Variants in KIDINS220 observed in about 807,000 individuals in gnomAD.
KIDINS220 encodes kinase D interacting substrate 220.
Under a neutral mutation model 157.6 loss-of-function variants are expected in KIDINS220, and 63 were observed. The ratio of observed to expected loss-of-function variants is 0.40; its 90% confidence interval spans 0.33 to 0.49. The LOEUF is 0.49. KIDINS220 is among the 20% of genes least tolerant of loss of function. The pLI, the probability that KIDINS220 is intolerant of heterozygous loss-of-function variation, is 0.66. For synonymous variants in KIDINS220, 732 were observed against 783.6 expected, an observed-to-expected ratio of 0.93 and a Z score of 1.10; for missense variants, 1,772 against 2,171.2, an observed-to-expected ratio of 0.82 and a Z score of 3.65.
At chr2:8,738,113 T>C (rs1665140806) in intron 26 of KIDINS220, among the ~76,000 whole-genome samples, 1 of 152,218 alleles carries the variant, frequency 6.6e-6, no homozygotes, top group Admixed American at 6.5e-5. Context: ...ATCAACAAAA[T>C]AACTAATGAT....
chr2:8,727,827 T>TA (rs751614375), downstream of KIDINS220, among the ~76,000 whole-genome samples: 7 of 152,242 alleles, frequency 4.6e-5, no homozygotes, highest in Non-Finnish European at 7.3e-5. Context: ...TATGAATGCT[T>TA]AAATTTCCCA....
At chr2:8,766,713 C>A (rs1396407709) in intron 22 of KIDINS220, among the ~76,000 whole-genome samples, 1 of 151,884 alleles carries the variant, frequency 6.6e-6, no homozygotes, top group African/African-American at 2.4e-5. Flanking sequence ...AATCTAGTAA[C>A]AACAACAAAA....
intron 14 of KIDINS220, 64 bp from the exon 15 acceptor site, chr2:8,788,876 A>C (rs1289209714): frequency 7.0e-7 from 1 of 1,429,786 alleles, no homozygotes; most frequent in Non-Finnish European, 9.7e-7. Flanking sequence ...CTTTTCTCCA[A>C]AGATCAAGTA....
chr2:8,729,338 C>T lies in KIDINS220; in HGVS notation c.*1382G>A, dbSNP rs1443507610. On this transcript the variant is annotated 3_prime_UTR_variant, in exon 30 of 30. Transcript: ENST00000256707. ...TAAAAACCCACTGAGTGATAAACAT[C>T]GAAAATGTAACACTGAATCTAGATA... The T allele has an allele frequency of 1.1e-4, 109 of 985,340 alleles. No homozygotes were observed. The highest frequency in any genetic ancestry group is 5.2e-4 in the Middle Eastern group (1 of 1,936). The allele number at this position is 985,340 out of a possible 1,614,324, so 61.0% of individuals were successfully genotyped here. A position where few individuals can be genotyped will look rare whatever the true frequency, so the allele number is the denominator to read the frequency against.
downstream of KIDINS220, chr2:8,727,323 A>G (rs1663424402): frequency 2.1e-6 from 2 of 974,030 alleles, no homozygotes; most frequent in Non-Finnish European, 1.2e-6. Context: ...AGTGCTGGCC[A>G]AAGAAGTTAA....
chr2:8,823,056 G>A (rs1678232054), intron 2 of KIDINS220, among the ~76,000 whole-genome samples: 1 of 152,044 alleles, frequency 6.6e-6, no homozygotes, highest in South Asian at 2.1e-4. Context: ...GCTCACTGCA[G>A]CCTTGAACTC....
intron 15 of KIDINS220, 76 bp downstream of exon 15, chr2:8,788,571 T>C (rs1672741753): frequency 1.4e-6 from 2 of 1,460,242 alleles, no homozygotes; most frequent in Admixed American, 1.8e-5. Context: ...ACCCGGCTCC[T>C]ATAAACTTTC....
At chr2:8,741,720 C>A (rs775056178) in intron 26 of KIDINS220, among the ~76,000 whole-genome samples, 1 of 152,158 alleles carries the variant, frequency 6.6e-6, no homozygotes, top group Non-Finnish European at 1.5e-5. Context: ...GTGAAAATAT[C>A]CCAATCAATT....
At chr2:8,741,292 G>T (rs146232493) in intron 26 of KIDINS220, among the ~76,000 whole-genome samples, 1 of 152,202 alleles carries the variant, frequency 6.6e-6, no homozygotes, top group Admixed American at 6.5e-5. Flanking sequence ...TACTGGCAGG[G>T]TGTGGTGGCT....
intron 17 of KIDINS220, among the ~76,000 whole-genome samples, chr2:8,784,375 T>C (rs1408946942): frequency 1.3e-5 from 2 of 152,084 alleles, no homozygotes; most frequent in Non-Finnish European, 1.5e-5. Flanking sequence ...ACTTTTTAGA[T>C]AGGACACTAA....
intron 2 of KIDINS220, 134 bp from the exon 3 acceptor site, chr2:8,818,927 G>A: frequency 2.3e-6 from 1 of 437,124 alleles, no homozygotes. Flanking sequence ...ATTTAATTTA[G>A]AAACAGCTTT....
rs759350450 is a variant in KIDINS220, at chr2:8,786,245, T to C, written c.1900A>G (p.Thr634Ala). Residue 634 changes from threonine (T) to alanine (A), a missense_variant, in exon 16 of 30, where the codon ACC (threonine) becomes GCC (alanine). Physicochemically the swap from Thr to Ala is moderately conservative, Grantham distance 58 (BLOSUM62 0). Around this residue, in one of 3 missense-constraint regions of KIDINS220, gnomAD observed 725 missense variants for 1,017.1 expected, o/e 0.71. Coordinates refer to ENST00000256707, the MANE Select transcript of KIDINS220 (RefSeq NM_020738.4). ...GTCTTGAATACTCGAAAAAGCCTGG[T>C]TGCCAAAAAGCCAAACTCTCTTTCA... is the stretch of plus-strand genomic sequence containing the variant. ...ACEREFGFLA[T>A]RLFRVFKTED... The C allele has an allele frequency of 3.7e-6, 6 of 1,614,154 alleles. No homozygotes were observed. In the South Asian group the frequency reaches 6.6e-5, roughly 18 times the overall value.
intron 26 of KIDINS220, among the ~76,000 whole-genome samples, chr2:8,742,875 T>C (rs1665817708): frequency 6.6e-6 from 1 of 152,092 alleles, no homozygotes; most frequent in Non-Finnish European, 1.5e-5. Context: ...CAGGGAAAAA[T>C]GAAAGGATGA....
Position 8,822,301 on chromosome 2 carries a change from G to A in KIDINS220, c.109-3508C>T, listed in dbSNP as rs182846403. On this transcript the variant is annotated intron_variant, in intron 2 of 29. Coordinates refer to ENST00000256707, the MANE Select transcript of KIDINS220 (RefSeq NM_020738.4). Reference sequence around the variant, plus strand: ...AACCACAGTGAAACTAAAACATTTCGAAATCCTCCTTTGAAATTTCCTTTA... The same window carrying A: ...AACCACAGTGAAACTAAAACATTTCAAAATCCTCCTTTGAAATTTCCTTTA... Among the ~76,000 whole-genome samples, 10 of 151,918 alleles carry A rather than the reference G, an allele frequency of 6.6e-5. 1 individual carries two copies. In the South Asian group the frequency reaches 1.2e-3, roughly 19 times the overall value.
At chr2:8,746,610 A>T (rs1418376419) in intron 26 of KIDINS220, 1 of 152,102 alleles carries the variant, frequency 6.6e-6, no homozygotes, top group African/African-American at 2.4e-5. Context: ...TAGACAAAGA[A>T]AAGTATTATA....
chr2:8,833,173 A>C (rs1285022287), intron 1 of KIDINS220, among the ~76,000 whole-genome samples: 1 of 152,236 alleles, frequency 6.6e-6, no homozygotes, highest in African/African-American at 2.4e-5. Context: ...GTATGTCTGT[A>C]CTTATTAACC....
intron 22 of KIDINS220, among the ~76,000 whole-genome samples, chr2:8,759,849 G>T (rs770307631): frequency 6.6e-6 from 1 of 152,140 alleles, no homozygotes; most frequent in African/African-American, 2.4e-5. Context: ...CATTCTCTGA[G>T]GCAGGTGCTT....
At position 8,730,858 on chromosome 2, in the gene KIDINS220, A is replaced by G. The variant is rs770976675; in HGVS notation, c.5178T>C (p.Asn1726=). ...SSSPNPTTIQ[N]ENLKSMTHKR... ...TATGTGTCATGCTTTTTAGATTCTC[A>G]TTCTGAATAGTGGTTGGGTTGGGAC... The change falls in exon 30 of 30, where the codon AAT becomes AAC. Residue 1726 remains asparagine (N), a synonymous_variant. Transcript: ENST00000256707. 4.3e-6 allele frequency: 7 copies of G among 1,614,146 alleles called. No homozygotes were observed. In the South Asian group the frequency reaches 7.7e-5, roughly 18 times the overall value.
chr2:8,758,964 A>C (rs1027217524), intron 22 of KIDINS220, among the ~76,000 whole-genome samples: 1 of 152,240 alleles, frequency 6.6e-6, no homozygotes, highest in Non-Finnish European at 1.5e-5. Flanking sequence ...ACTTGCCAGA[A>C]GAGAAAAGAG....
Sources: gnomAD v4.1 joint callset for allele counts (sites outside exome capture counted in the v4.1 genomes callset) on GRCh38, gnomAD v4.1.1 for gene constraint, gnomAD v4.1.1 regional missense constraint, MANE v1.5 for transcripts, NCBI Gene and HGNC (gene_info 2026-07-23, HGNC 2026-07-21) for gene names.